Variants in CRYBG3 observed in about 807,000 individuals in gnomAD.
CRYBG3 encodes crystallin beta-gamma domain containing 3.
CRYBG3 carries 127 observed loss-of-function variants against 244.2 expected under a neutral mutation model. That is an observed-to-expected ratio of 0.52 (90% CI 0.45 to 0.60). The LOEUF is 0.60. Among genes scored for constraint, CRYBG3 ranks in the 20% least tolerant of loss-of-function variants. CRYBG3 has a pLI of 0.00. For synonymous variants in CRYBG3, 1,132 were observed against 1,195.8 expected, an observed-to-expected ratio of 0.95 and a Z score of 1.10; for missense variants, 3,325 against 3,442.5, an observed-to-expected ratio of 0.97 and a Z score of 0.85.
intron 16 of CRYBG3, among the ~76,000 whole-genome samples, chr3:97,912,490 A>C (rs1413342526): frequency 2.6e-5 from 4 of 152,206 alleles, no homozygotes; most frequent in African/African-American, 4.8e-5. Context: ...AACTTAGGGA[A>C]CATTTTGATT....
chr3:97,879,179 C>G (rs1429554439), intron 4 of CRYBG3, among the ~76,000 whole-genome samples: 1 of 152,178 alleles, frequency 6.6e-6, no homozygotes, highest in South Asian at 2.1e-4. Flanking sequence ...GTTTTGCCAG[C>G]CTTGTCTCCC....
intron 11 of CRYBG3, among the ~76,000 whole-genome samples, chr3:97,893,631 C>T (rs2108234542): frequency 6.6e-6 from 1 of 152,334 alleles, no homozygotes; most frequent in Admixed American, 6.5e-5. Context: ...AGAAACTGTC[C>T]TCATTGTTTA....
intron 17 of CRYBG3, among the ~76,000 whole-genome samples, chr3:97,929,068 A>G (rs1000696160): frequency 5.3e-5 from 8 of 151,992 alleles, no homozygotes; most frequent in Non-Finnish European, 7.4e-5. Context: ...CATTTATACA[A>G]TTTGGTCGAG....
chr3:97,823,699 A>G (rs2038540277), intron 1 of CRYBG3, among the ~76,000 whole-genome samples: 1 of 152,208 alleles, frequency 6.6e-6, no homozygotes, highest in South Asian at 2.1e-4. Flanking sequence ...CCACCGCCGT[A>G]ACAGCACTAA....
Position 97,912,269 on chromosome 3 carries a change from C to T in CRYBG3, c.8107C>T (p.Arg2703Ter), listed in dbSNP as rs945316099. The T allele has an allele frequency of 1.3e-6, 2 of 1,576,576 alleles. No individual in the cohort carries two copies. The highest frequency in any genetic ancestry group is 2.3e-5 in the East Asian group (1 of 43,988). The change falls in exon 16 of 22, where the codon CGA (arginine) becomes TGA (stop). Residue 2703 changes from arginine to a stop codon, truncating the protein, a stop_gained. Coordinates refer to ENST00000389622, the MANE Select transcript of CRYBG3 (RefSeq NM_153605.4). LOFTEE classifies it high-confidence loss of function. ...SLMPCSFKVL[R>*]GCWLLYYQED... is the part of the protein sequence containing the mutation. The stretch of plus-strand genomic sequence containing the variant: ...CATGCCATGTTCTTTTAAAGTTCTT[C>T]GAGGTTGGTAAGTATGCTTACTTAG...
chr3:97,920,056 C>T (rs1299022493), intron 17 of CRYBG3, among the ~76,000 whole-genome samples: 1 of 152,090 alleles, frequency 6.6e-6, no homozygotes, highest in Non-Finnish European at 1.5e-5. Flanking sequence ...AGGTACAAAC[C>T]ACTGCACCGT....
At chr3:97,832,235 A>G (rs1178070784) in intron 1 of CRYBG3, among the ~76,000 whole-genome samples, 4 of 151,574 alleles carry the variant, frequency 2.6e-5, no homozygotes, top group African/African-American at 9.7e-5. Context: ...ACCAAAAAAA[A>G]AAAAAAAAAG....
chr3:97,912,289 A>G lies in CRYBG3; in HGVS notation c.8114+13A>G. On this transcript the variant is annotated intron_variant, in intron 16 of 21. Coordinates refer to ENST00000389622, the MANE Select transcript of CRYBG3 (RefSeq NM_153605.4). ...TTCTTCGAGGTTGGTAAGTATGCTTACTTAGTGGTTTCTGCTGTTATTTAA... is the reference window on the plus strand; with the variant it reads ...TTCTTCGAGGTTGGTAAGTATGCTTGCTTAGTGGTTTCTGCTGTTATTTAA... 1.5e-6 allele frequency: 2 copies of G among 1,377,474 alleles called. No homozygotes were observed. The allele number at this position is 1,377,474 out of a possible 1,614,324, so 85.3% of individuals were successfully genotyped here.
chr3:97,846,021 G>A (rs1162565034), intron 2 of CRYBG3, among the ~76,000 whole-genome samples: 1 of 152,110 alleles, frequency 6.6e-6, no homozygotes, highest in Non-Finnish European at 1.5e-5. Flanking sequence ...TACTGTGTCT[G>A]GCGCACGTGT....
chr3:97,836,700 T>TG (rs1184914078), intron 1 of CRYBG3, among the ~76,000 whole-genome samples: 44 of 152,214 alleles, frequency 2.9e-4, no homozygotes, highest in African/African-American at 9.9e-4. Context: ...ATGAAGTCCT[T>TG]GCTGTATTTA....
rs756040811 is a variant in CRYBG3 at position 97,899,269 on chromosome 3, T to C, written c.7971+6T>C. On this transcript the variant is annotated splice_donor_region_variant and intron_variant, in intron 14 of 21. Transcript: ENST00000389622. ...CGATACGGCCAATCCAACTGGTGAG[T>C]GAAGTATGAACATAGCCAGTGCTGC... 7 of 1,610,204 alleles carry C rather than the reference T, an allele frequency of 4.3e-6. No homozygotes were observed. Among genetic ancestry groups the C allele is most frequent in the Non-Finnish European group, 5.9e-6 (7 of 1,178,902 alleles).
chr3:97,903,746 T>C (rs79664617), intron 15 of CRYBG3, among the ~76,000 whole-genome samples: 2,296 of 152,338 alleles, frequency 0.015, 49 homozygotes, highest in African/African-American at 0.052. Context: ...ATTGTTAGTA[T>C]ATAAGTGAAA....
chr3:97,942,539 GA>G (rs2040255286), intron 21 of CRYBG3, 96 bp downstream of exon 21: 1 of 1,089,134 alleles, frequency 9.2e-7, no homozygotes, highest in African/African-American at 1.6e-5. Context: ...ATGTATAAGA[GA>G]AATGTTAAGT....
At position 97,864,413 on chromosome 3, in the gene CRYBG3, GTGAAGCTAAGCAGTCTTCTTT is replaced by G; in HGVS notation, c.414_434del (p.Glu139_Phe145del). ...AATATCTCGGGGAAATCATCTCTAG[GTGAAGCTAAGCAGTCTTCTTT>G]CAAAGATGACCAGGATAAAACTGAG... is the stretch of plus-strand genomic sequence containing the variant. On this transcript the variant is annotated inframe_deletion, in exon 3 of 22. Coordinates refer to ENST00000389622, the MANE Select transcript of CRYBG3 (RefSeq NM_153605.4). 1 of 1,535,734 alleles carries G rather than the reference GTGAAGCTAAGCAGTCTTCTTT, an allele frequency of 6.5e-7. No homozygotes were observed. The highest frequency in any genetic ancestry group is 8.7e-7 in the Non-Finnish European group (1 of 1,146,704).
intron 17 of CRYBG3, among the ~76,000 whole-genome samples, chr3:97,923,890 A>G (rs1401413493): frequency 1.3e-5 from 2 of 152,104 alleles, no homozygotes; most frequent in African/African-American, 2.4e-5. Flanking sequence ...ATATTGTTTC[A>G]GGCAAAACAC....
intron 15 of CRYBG3, among the ~76,000 whole-genome samples, chr3:97,905,401 A>G (rs2039760335): frequency 6.6e-6 from 1 of 151,462 alleles, no homozygotes. Context: ...CCTCTCCAGC[A>G]CCTGTTGTTT....
At position 97,941,211 on chromosome 3, in the gene CRYBG3, C is replaced by G; in HGVS notation, c.8569C>G (p.Leu2857Val). The change falls in exon 20 of 22, where the codon CTA becomes GTA. Residue 2857 changes from leucine to valine, a missense_variant. Coordinates refer to ENST00000389622, the MANE Select transcript of CRYBG3 (RefSeq NM_153605.4). Reference protein sequence around the residue: ...QGEYLTVTGSLADTRATSVCI... With the variant: ...QGEYLTVTGSVADTRATSVCI... ...TGAATATCTGACAGTCACTGGAAGT[C>G]TAGCAGACACCAGGGCAACATCTGT... 6.2e-7 allele frequency: 1 copy of G among 1,611,604 alleles called. No homozygotes were observed. The highest frequency in any genetic ancestry group is 8.5e-7 in the Non-Finnish European group (1 of 1,178,318).
chr3:97,941,714 G>T (rs2040234660), intron 20 of CRYBG3: 1 of 153,944 alleles, frequency 6.5e-6, no homozygotes, highest in Non-Finnish European at 1.4e-5. Context: ...AGCAGTAGAA[G>T]AAGAAAGCTG....
intron 18 of CRYBG3, 40 bp from the exon 19 acceptor site, chr3:97,936,742 TTTG>T: frequency 6.3e-7 from 1 of 1,594,576 alleles, no homozygotes; most frequent in Non-Finnish European, 8.5e-7. Context: ...GGGATTTTTT[TTTG>T]TTTTGAAGTA....
Sources: allele counts gnomAD v4.1 joint callset (sites outside exome capture counted in the v4.1 genomes callset), GRCh38; gene constraint gnomAD v4.1.1; transcripts MANE v1.5; gene names NCBI Gene and HGNC (gene_info 2026-07-23, HGNC 2026-07-21).